Variants in SPATA16 observed in about 807,000 individuals in gnomAD.
SPATA16 encodes spermatogenesis-associated protein 16.
A neutral mutation model predicts 63.3 loss-of-function variants in SPATA16; 36 were observed. The observed-to-expected ratio is 0.57, with a 90% CI of 0.44 to 0.75. The LOEUF (loss-of-function observed/expected upper bound fraction) is 0.75. Among genes scored for constraint, SPATA16 ranks in the 30% least tolerant of loss-of-function variants. The pLI is 0.00. For synonymous variants in SPATA16, 203 were observed against 216.7 expected (o/e 0.94, Z 0.56); for missense variants, 646 against 679.3 (o/e 0.95, Z 0.54).
chr3:172,916,254 G>A, intron 9 of SPATA16, 63 bp downstream of exon 9: 1 of 1,486,604 alleles, frequency 6.7e-7, no homozygotes. Context: ...TTTTTCCCCA[G>A]ACCATATCAC....
chr3:172,969,532 C>G (rs187732706), intron 5 of SPATA16, among the ~76,000 whole-genome samples: 18 of 152,274 alleles, frequency 1.2e-4, no homozygotes, highest in Admixed American at 3.3e-4. Context: ...GTATCCCACT[C>G]AACTCTAGGA....
chr3:173,011,907 G>A (rs1735083213), intron 4 of SPATA16, among the ~76,000 whole-genome samples: 2 of 152,104 alleles, frequency 1.3e-5, no homozygotes, highest in African/African-American at 4.8e-5. Context: ...TCGAACTCCT[G>A]GGCTTAAGCG....
intron 3 of SPATA16, among the ~76,000 whole-genome samples, chr3:173,039,319 C>A (rs1388610751): frequency 6.6e-6 from 1 of 151,778 alleles, no homozygotes; most frequent in East Asian, 1.9e-4. Flanking sequence ...ATGAATAAAC[C>A]CACCCACAAG....
intron 1 of SPATA16, among the ~76,000 whole-genome samples, chr3:173,131,749 T>C (rs1437335577): frequency 6.6e-6 from 1 of 152,106 alleles, no homozygotes; most frequent in Non-Finnish European, 1.5e-5. Flanking sequence ...AGACTACAGG[T>C]AGACTTCTTT....
intron 4 of SPATA16, among the ~76,000 whole-genome samples, chr3:172,980,243 C>T (rs1734267972): frequency 6.6e-6 from 1 of 152,216 alleles, no homozygotes; most frequent in South Asian, 2.1e-4. Context: ...ACCCATTGAG[C>T]ATCCATAAGG....
intron 2 of SPATA16, among the ~76,000 whole-genome samples, chr3:173,075,009 AAAAGG>A (rs1314339907): frequency 6.0e-4 from 70 of 115,708 alleles, no homozygotes; most frequent in African/African-American, 2.0e-3. Context: ...AAAAAAAAAA[AAAAGG>A]AAAGAAAAGA....
intron 2 of SPATA16, among the ~76,000 whole-genome samples, chr3:173,080,115 G>A (rs1736891461): frequency 6.6e-6 from 1 of 152,136 alleles, no homozygotes; most frequent in South Asian, 2.1e-4. Flanking sequence ...TCAGTGTGTG[G>A]TGTTTAGTGA....
At chr3:172,912,619 T>C (rs1432042924) in intron 10 of SPATA16, among the ~76,000 whole-genome samples, 1 of 152,202 alleles carries the variant, frequency 6.6e-6, no homozygotes, top group Non-Finnish European at 1.5e-5. Context: ...TCACTTCCAC[T>C]GAATGAATAG....
In SPATA16 at chr3:173,021,444, G is replaced by T. The variant is rs116250360; in HGVS notation, c.759-1869C>A. 5.3e-5 allele frequency among the ~76,000 whole-genome samples: 8 copies of T among 152,262 alleles called. No homozygotes were observed. In the East Asian group the frequency reaches 1.5e-3, roughly 29 times the overall value. ...AATCCCTCAAGAACACAGATCGTTT[G>T]CTTTGGTGTGTTTTGATTAAAATGT... On this transcript the variant is annotated intron_variant, in intron 3 of 10. Coordinates refer to ENST00000351008, the MANE Select transcript of SPATA16 (RefSeq NM_031955.6).
chr3:172,952,277 C>T (rs1372692790), intron 6 of SPATA16, among the ~76,000 whole-genome samples: 1 of 152,068 alleles, frequency 6.6e-6, no homozygotes, highest in Non-Finnish European at 1.5e-5. Flanking sequence ...AAGCTGCCTA[C>T]TTGTTATGAT....
chr3:172,993,785 G>C (rs979096256), intron 4 of SPATA16, among the ~76,000 whole-genome samples: 1 of 152,074 alleles, frequency 6.6e-6, no homozygotes, highest in African/African-American at 2.4e-5. Context: ...CGCTTAAGAT[G>C]CTAACCTCTT....
chr3:172,938,855 C>G (rs1577097222), intron 6 of SPATA16, among the ~76,000 whole-genome samples: 1 of 119,386 alleles, frequency 8.4e-6, no homozygotes, highest in East Asian at 3.0e-4. Context: ...CAAATGGATC[C>G]CCTGGCATAT....
chr3:173,039,356 C>T (rs1278389884), intron 3 of SPATA16, among the ~76,000 whole-genome samples: 1 of 152,098 alleles, frequency 6.6e-6, no homozygotes, highest in Non-Finnish European at 1.5e-5. Flanking sequence ...TTCTTGCCAG[C>T]TTCAAGTGTC....
chr3:173,047,151 T>C (rs1480459677), intron 3 of SPATA16, among the ~76,000 whole-genome samples: 2 of 151,984 alleles, frequency 1.3e-5, no homozygotes, highest in African/African-American at 2.4e-5. Context: ...TGCAGCATCT[T>C]GTGGTTCTTA....
At position 173,117,346 on chromosome 3, in the gene SPATA16, T is replaced by A. The variant is rs1306690439; in HGVS notation, c.386A>T (p.Tyr129Phe). The A allele has an allele frequency of 2.5e-6, 4 of 1,614,062 alleles. No homozygotes were observed. The African/African-American group carries it at 4.0e-5, about 16-fold the overall frequency. The part of the protein sequence containing the change: ...NIMDVEMKLV[Y>F]IDEMGVRYEF... The stretch of plus-strand genomic sequence containing the variant: ...ATAGCGAACACCCATTTCATCAATG[T>A]AGACCAACTTCATTTCCACATCCAT... Residue 129 changes from tyrosine (Y) to phenylalanine (F), a missense_variant, in exon 2 of 11, where the codon TAC (tyrosine) becomes TTC (phenylalanine). Tyr to Phe is a conservative substitution (Grantham distance 22, BLOSUM62 3). Coordinates refer to ENST00000351008, the MANE Select transcript of SPATA16 (RefSeq NM_031955.6).
chr3:172,896,589 TTC>T (rs370612035), intron 10 of SPATA16, among the ~76,000 whole-genome samples: 2 of 152,346 alleles, frequency 1.3e-5, no homozygotes, highest in African/African-American at 4.8e-5. Flanking sequence ...GTGATCTAAT[TTC>T]TCTGTGTCCT....
At chr3:173,001,905 A>G (rs544657497) in intron 4 of SPATA16, among the ~76,000 whole-genome samples, 1 of 152,352 alleles carries the variant, frequency 6.6e-6, no homozygotes, top group Non-Finnish European at 1.5e-5. Flanking sequence ...GAAGACCATT[A>G]GTAAATTTTG....
Position 172,889,460 on chromosome 3 carries a change from T to A in SPATA16, c.*110A>T. On this transcript the variant is annotated 3_prime_UTR_variant, in exon 11 of 11. Coordinates refer to ENST00000351008, the MANE Select transcript of SPATA16 (RefSeq NM_031955.6). ...CTGAGGGGAATACCACCTCTTTCTT[T>A]TGGTGACAAGCTTTTGTTATCCAGC... is the stretch of plus-strand genomic sequence containing the variant. 2 of 1,512,078 alleles carry A rather than the reference T, an allele frequency of 1.3e-6. No individual in the cohort carries two copies. Among genetic ancestry groups the A allele is most frequent in the Non-Finnish European group, 1.8e-6 (2 of 1,096,686 alleles). 93.7% of individuals were successfully genotyped at this position (1,512,078 alleles called of 1,614,324 possible). A position where few individuals can be genotyped will look rare whatever the true frequency, so the allele number is the denominator to read the frequency against.
intron 2 of SPATA16, among the ~76,000 whole-genome samples, chr3:173,068,966 C>A (rs1196740135): frequency 3.0e-4 from 46 of 151,006 alleles, no homozygotes; most frequent in African/African-American, 1.0e-3. Context: ...AAAAATTAGC[C>A]GGGCGTGGTG....
Sources: allele counts gnomAD v4.1 joint callset (sites outside exome capture counted in the v4.1 genomes callset), GRCh38; gene constraint gnomAD v4.1.1; transcripts MANE v1.5; gene names NCBI Gene and HGNC (gene_info 2026-07-23, HGNC 2026-07-21).